The following ARHGAP4 variants were observed in gnomAD, a reference collection of about 807,000 sequenced individuals.
ARHGAP4 encodes rho GTPase-activating protein 4.
In ARHGAP4, 25 loss-of-function variants were observed where a neutral mutation model predicts 67.6. The ratio of observed to expected loss-of-function variants is 0.37; its 90% CI spans 0.27 to 0.52. The LOEUF (loss-of-function observed/expected upper bound fraction) is 0.52. ARHGAP4 is among the 20% of genes least tolerant of loss of function. The pLI, the probability that ARHGAP4 is intolerant of heterozygous loss-of-function variation, is 0.92. For synonymous variants in ARHGAP4, 448 were observed against 373.7 expected, an observed-to-expected ratio of 1.20 and a Z score of -2.29; for missense variants, 804 against 854.6, an observed-to-expected ratio of 0.94 and a Z score of 0.74.
rs1569546012 is a variant in ARHGAP4, at chrX:153,919,155, G to A, written c.810C>T (p.Asp270=). 1.2e-5 allele frequency: 15 copies of A among 1,211,970 alleles called. No homozygotes were observed. The highest frequency in any genetic ancestry group is 1.8e-5 in the South Asian group (1 of 57,001). ...TCCCACCTGCCCACCAAGGACTCAC[G>A]TCCATGAGGTCCAAGACGTCATGCA... ...YYLHDVLDLM[D]CCDTGFHLAL... The change falls in exon 6 of 22, where the codon GAC becomes GAT. Residue 270 remains aspartate, a splice_region_variant and synonymous_variant. Transcript: ENST00000350060.
Position 153,910,321 on chromosome X carries a change from GCGGGC to G in ARHGAP4, c.2001_2005del (p.Pro668TrpfsTer62). On this transcript the variant is annotated frameshift_variant, in exon 17 of 22. Transcript: ENST00000350060. LOFTEE classifies it high-confidence loss of function. The stretch of plus-strand genomic sequence containing the variant: ...CTGCAGCGCCACCGGGTCCTGCCCA[GCGGGC>G]ACCGGTAGCAGCGTGGGCCCGAAGC... The G allele has an allele frequency of 2.5e-6, 3 of 1,209,491 alleles. No individual in the cohort carries two copies. The highest frequency in any genetic ancestry group is 3.4e-6 in the Non-Finnish European group (3 of 894,510).
intron 21 of ARHGAP4, among the ~76,000 whole-genome samples, chrX:153,908,521 T>C (rs7057931): frequency 0.42 from 46,709 of 110,301 alleles, 9,354 homozygotes; most frequent in African/African-American, 0.76. Context: ...CGGAGCAGGG[T>C]CCCCCAGGTT....
At chrX:153,919,396 C>A in intron 5 of ARHGAP4, 113 bp from the exon 6 acceptor site, 12 of 1,170,231 alleles carry the variant, frequency 1.0e-5, no homozygotes, top group Non-Finnish European at 1.4e-5. Flanking sequence ...TACACCTGAA[C>A]TGGTCAAGCC....
rs782644010 is a variant in ARHGAP4 at position 153,921,684 on chromosome X, G to A, written c.193C>T (p.Arg65Trp). The change falls in exon 2 of 22, where the codon CGG becomes TGG. Residue 65 changes from arginine to tryptophan, a missense_variant. Arg to Trp is a moderately radical substitution (Grantham distance 101, BLOSUM62 -3). Coordinates refer to ENST00000350060, the MANE Select transcript of ARHGAP4 (RefSeq NM_001666.5). ...CGCTCGGCCAGCTTTTCCAGGCCCCGGGAGTATTCCAGCTCCACCTCAGCG... is the reference window on the plus strand; with the variant it reads ...CGCTCGGCCAGCTTTTCCAGGCCCCAGGAGTATTCCAGCTCCACCTCAGCG... ...RRAEVELEYSRGLEKLAERFS... is the reference protein window; with the variant it reads ...RRAEVELEYSWGLEKLAERFS... The A allele has an allele frequency of 6.6e-6, 8 of 1,208,123 alleles. No homozygotes were observed. The highest frequency in any genetic ancestry group is 7.8e-6 in the Non-Finnish European group (7 of 894,326).
chrX:153,912,584 CTGAT>C (rs1188455018), intron 12 of ARHGAP4, 112 bp downstream of exon 12: 14 of 627,846 alleles, frequency 2.2e-5, no homozygotes, highest in Non-Finnish European at 3.0e-5. Context: ...CAGTTGATGA[CTGAT>C]TGAGAGTGGA....
In ARHGAP4 at chrX:153,910,227, C is replaced by T. The variant is rs782405761; in HGVS notation, c.2100G>A (p.Ser700=). The change falls in exon 17 of 22, where the codon TCG becomes TCA. Residue 700 remains serine, a synonymous_variant. Coordinates refer to ENST00000350060, the MANE Select transcript of ARHGAP4 (RefSeq NM_001666.5). ...QPDRVFPPLT[S]LPGPVYEKCM... ...ACTTCTCGTAGACGGGGCCAGGCAG[C>T]GAGGTCAGGGGCGGGAAGACCCGAT... is the stretch of plus-strand genomic sequence containing the variant. The T allele has an allele frequency of 2.5e-6, 3 of 1,211,073 alleles. No homozygotes were observed. Among genetic ancestry groups the T allele is most frequent in the Admixed American group, 2.2e-5 (1 of 46,107 alleles).
intron 7 of ARHGAP4, among the ~76,000 whole-genome samples, chrX:153,914,917 G>A (rs2065045091): frequency 8.9e-6 from 1 of 112,325 alleles, no homozygotes; most frequent in Non-Finnish European, 1.9e-5. Flanking sequence ...TTTTAAGCAT[G>A]TAGACATCTA....
rs781884021 is a variant in ARHGAP4 at position 153,913,568 on chromosome X, G to A, written c.1167C>T (p.Ala389=). The change falls in exon 9 of 22, where the codon GCC becomes GCT. Residue 389 remains alanine (A), a synonymous_variant. Coordinates refer to ENST00000350060, the MANE Select transcript of ARHGAP4 (RefSeq NM_001666.5). ...VNKTLKATLQ[A]LLEVVASDDG... ...CATCCGAGGCCACCACCTCCAGCAGGGCCTGCAGTGTCGCCTTCAGAGTCT... is the reference window on the plus strand; with the variant it reads ...CATCCGAGGCCACCACCTCCAGCAGAGCCTGCAGTGTCGCCTTCAGAGTCT... The A allele has an allele frequency of 9.1e-6, 11 of 1,208,860 alleles. No homozygotes were observed. The highest frequency in any genetic ancestry group is 2.3e-4 in the Middle Eastern group (1 of 4,360).
At chrX:153,925,695 G>C (rs1557106023) in intron 1 of ARHGAP4, among the ~76,000 whole-genome samples, 1 of 112,173 alleles carries the variant, frequency 8.9e-6, no homozygotes, top group African/African-American at 3.2e-5. Context: ...TGAAGCTCCA[G>C]GGACTGCAGT....
intron 12 of ARHGAP4, among the ~76,000 whole-genome samples, chrX:153,911,529 T>C (rs1734035100): frequency 8.9e-6 from 1 of 112,372 alleles, no homozygotes; most frequent in Admixed American, 9.4e-5. Flanking sequence ...GATGAGGTTT[T>C]AGGCAGTGCC....
At chrX:153,916,577 C>T (rs191686161) in intron 7 of ARHGAP4, among the ~76,000 whole-genome samples, 7 of 113,225 alleles carry the variant, frequency 6.2e-5, no homozygotes, top group South Asian at 3.6e-4. Context: ...GGAAACTGGC[C>T]GGGCCAGGAG....
chrX:153,913,876 C>T lies in ARHGAP4; in HGVS notation c.1036G>A (p.Ala346Thr), dbSNP rs1557103873. Residue 346 changes from alanine (A) to threonine (T), a missense_variant, in exon 8 of 22, where the codon GCT becomes ACT. This residue lies in a region of ARHGAP4 where 404 missense variants were observed against 505.9 expected (regional missense o/e 0.80). Transcript: ENST00000350060. The stretch of plus-strand genomic sequence containing the variant: ...AGCTCCATTTCAACGCAGATCTCAG[C>T]CACCTGCAGAGGGCGGCGGCCAGGG... ...DYHPHDGDEVAEICVEMELRD... is the reference protein window; with the variant it reads ...DYHPHDGDEVTEICVEMELRD... The T allele has an allele frequency of 9.9e-6, 12 of 1,211,263 alleles. 1 individual carries two copies. The South Asian group carries it at 2.1e-4, about 21-fold the overall frequency.
At chrX:153,913,323 C>A (rs1557103723) in intron 9 of ARHGAP4, 21 bp from the exon 10 acceptor site, 3 of 1,195,471 alleles carry the variant, frequency 2.5e-6, no homozygotes, top group Non-Finnish European at 3.4e-6. Flanking sequence ...CCAAGAAGAG[C>A]CCCAAGTGTT....
At chrX:153,914,421 C>T (rs970573261) in intron 7 of ARHGAP4, among the ~76,000 whole-genome samples, 3 of 112,761 alleles carry the variant, frequency 2.7e-5, no homozygotes, top group Admixed American at 9.4e-5. Flanking sequence ...GGTGGCCCGG[C>T]GCAGTGGCTC....
intron 7 of ARHGAP4, among the ~76,000 whole-genome samples, chrX:153,916,507 G>T (rs1309137772): frequency 8.8e-6 from 1 of 113,048 alleles, no homozygotes; most frequent in Non-Finnish European, 1.9e-5. Context: ...ACAGCAGAGT[G>T]AGCCCCCAGC....
chrX:153,921,733 C>T lies in ARHGAP4; in HGVS notation c.144G>A (p.Glu48=). 8.3e-7 allele frequency: 1 copy of T among 1,201,842 alleles called. No homozygotes were observed. Among genetic ancestry groups the T allele is most frequent in the Non-Finnish European group, 1.1e-6 (1 of 890,802 alleles). ...QGELRRELLQ[E]LAEFMRRRAE... ...CGCGGCGCCGCATGAACTCTGCCAGCTCCTGCAGCAACTCCCGCCGCAGCT... is the reference window on the plus strand; with the variant it reads ...CGCGGCGCCGCATGAACTCTGCCAGTTCCTGCAGCAACTCCCGCCGCAGCT... The change falls in exon 2 of 22, where the codon GAG becomes GAA. Residue 48 remains glutamate (E), a synonymous_variant. Coordinates refer to ENST00000350060, the MANE Select transcript of ARHGAP4 (RefSeq NM_001666.5).
rs782583834 is a variant in ARHGAP4, at chrX:153,913,609, G to A, written c.1135-9C>T. 1.7e-6 allele frequency: 2 copies of A among 1,199,891 alleles called. No individual in the cohort carries two copies. Among genetic ancestry groups the A allele is most frequent in the South Asian group, 1.8e-5 (1 of 55,408 alleles). On this transcript the variant is annotated splice_polypyrimidine_tract_variant and intron_variant, in intron 8 of 21. Coordinates refer to ENST00000350060, the MANE Select transcript of ARHGAP4 (RefSeq NM_001666.5). ...TTCAGAGTCTTGTTCACCTGCAGAG[G>A]AGACCACACCAGGGTGGTAAGAGGT... is the stretch of plus-strand genomic sequence containing the variant.
chrX:153,920,347 C>G (rs995673394), intron 5 of ARHGAP4: 3 of 363,835 alleles, frequency 8.2e-6, no homozygotes, highest in Non-Finnish European at 1.4e-5. Flanking sequence ...TTCTTGCCCC[C>G]CTCTGAAACC....
chrX:153,913,132 C>A (rs954313201), intron 10 of ARHGAP4, 81 bp from the exon 11 acceptor site: 305 of 1,160,322 alleles, frequency 2.6e-4, no homozygotes, highest in Admixed American at 3.4e-4. Context: ...TGGATAAGAG[C>A]CAAGGACAGG....
Sources: allele counts gnomAD v4.1 joint callset (sites outside exome capture counted in the v4.1 genomes callset), GRCh38; gene constraint gnomAD v4.1.1; regional missense constraint gnomAD v4.1.1; transcripts MANE v1.5; gene names NCBI Gene and HGNC (gene_info 2026-07-23, HGNC 2026-07-21).